Variants in CYFIP2 observed in about 807,000 individuals in gnomAD.
CYFIP2 encodes cytoplasmic FMR1-interacting protein 2.
In CYFIP2, 29 loss-of-function variants were observed where a neutral mutation model predicts 158.7. The observed-to-expected ratio is 0.18, with a 90% CI of 0.14 to 0.25. The LOEUF (loss-of-function observed/expected upper bound fraction) is 0.25, where lower values mean the gene tolerates loss of function less well. Ranked by LOEUF, CYFIP2 falls within the 10% of genes least tolerant of loss-of-function variation. The pLI is 1.00. For synonymous variants in CYFIP2, 585 were observed against 617.6 expected, an observed-to-expected ratio of 0.95 and a Z score of 0.78; for missense variants, 852 against 1,639.5, an observed-to-expected ratio of 0.52 and a Z score of 8.29.
At chr5:157,351,533 A>G (rs1047634675) in intron 23 of CYFIP2, among the ~76,000 whole-genome samples, 1 of 152,112 alleles carries the variant, frequency 6.6e-6, no homozygotes, top group Non-Finnish European at 1.5e-5. Flanking sequence ...CCACATGACA[A>G]CTCCTTGAGA....
intron 26 of CYFIP2, among the ~76,000 whole-genome samples, chr5:157,369,494 C>T (rs1240810703): frequency 1.3e-5 from 2 of 152,182 alleles, no homozygotes; most frequent in Admixed American, 6.5e-5. Flanking sequence ...ATTTCAGCTT[C>T]CTCCTGGTGT....
chr5:157,307,984 T>G lies in CYFIP2; in HGVS notation c.900+119T>G, dbSNP rs1759386820. The G allele has an allele frequency of 6.4e-6, 4 of 623,922 alleles. No homozygotes were observed. The East Asian group carries it at 8.6e-5, about 13-fold the overall frequency. The allele number at this position is 623,922 out of a possible 1,614,324, so 38.6% of individuals were successfully genotyped here. A position where few individuals can be genotyped will look rare whatever the true frequency, so the allele number is the denominator to read the frequency against. On this transcript the variant is annotated intron_variant, in intron 9 of 30. Coordinates refer to ENST00000620254, the MANE Select transcript of CYFIP2 (RefSeq NM_001037333.3). The stretch of plus-strand genomic sequence containing the variant: ...CAGGTTTTTTTAATTGAGCTGTAGC[T>G]CCAAAGATCCCAAGAGTAGGAAGAG...
At chr5:157,318,088 A>T (rs375533758) in intron 13 of CYFIP2, among the ~76,000 whole-genome samples, 1 of 152,210 alleles carries the variant, frequency 6.6e-6, no homozygotes, top group African/African-American at 2.4e-5. Flanking sequence ...CTATTATGGA[A>T]TTGTGAGAAT....
intron 28 of CYFIP2, 27 bp from the exon 29 acceptor site, chr5:157,389,162 A>G: frequency 6.3e-7 from 1 of 1,576,406 alleles, no homozygotes; most frequent in Non-Finnish European, 8.7e-7. Flanking sequence ...ATGTGGATAG[A>G]AGGTGTATGT....
intron 26 of CYFIP2, among the ~76,000 whole-genome samples, chr5:157,369,884 T>G (rs113500174): frequency 1.1e-3 from 28 of 25,416 alleles, no homozygotes; most frequent in Non-Finnish European, 1.2e-3. Flanking sequence ...ACCTAGTTTT[T>G]TTTTTTTTTT....
chr5:157,328,697 A>G (rs1389096955), intron 19 of CYFIP2, among the ~76,000 whole-genome samples: 1 of 152,236 alleles, frequency 6.6e-6, no homozygotes, highest in African/African-American at 2.4e-5. Flanking sequence ...ATGGTTTCAA[A>G]AGTACAACCG....
At chr5:157,326,348 A>T in intron 18 of CYFIP2, 81 bp downstream of exon 18, 1 of 1,168,340 alleles carries the variant, frequency 8.6e-7, no homozygotes, top group Non-Finnish European at 1.3e-6. Flanking sequence ...ATTAGCATGA[A>T]GTAGGAGTAT....
Position 157,319,905 on chromosome 5 carries a change from G to A in CYFIP2, c.1500G>A (p.Arg500=), listed in dbSNP as rs778488561. The change falls in exon 14 of 31, where the codon CGG becomes CGA. Residue 500 remains arginine (R), a synonymous_variant. Transcript: ENST00000620254. ...TLREPLRQAV[R]KKKNVLISVL... is the part of the protein sequence containing the mutation. ...GTGAGCCCCTGCGGCAGGCGGTACGGAAGAAGAAGAATGTCCTCATCAGGT... is the reference window on the plus strand; with the variant it reads ...GTGAGCCCCTGCGGCAGGCGGTACGAAAGAAGAAGAATGTCCTCATCAGGT... 1.2e-6 allele frequency: 2 copies of A among 1,613,848 alleles called. No homozygotes were observed. Among genetic ancestry groups the A allele is most frequent in the African/African-American group, 1.3e-5 (1 of 74,942 alleles).
At position 157,352,066 on chromosome 5, in the gene CYFIP2, T is replaced by G. The variant is rs191323863; in HGVS notation, c.2674-6939T>G. On this transcript the variant is annotated intron_variant, in intron 23 of 30. Coordinates refer to ENST00000620254, the MANE Select transcript of CYFIP2 (RefSeq NM_001037333.3). ...AAAATTAATATATGAATCAAAACTT[T>G]AAGAATATATTCTCTAAATAAAGTA... 4.4e-3 allele frequency among the ~76,000 whole-genome samples: 673 copies of G among 152,314 alleles called. 1 individual carries two copies. The highest frequency in any genetic ancestry group is 6.0e-3 in the Non-Finnish European group (408 of 68,028).
At chr5:157,391,332 C>T (rs553711830) in intron 30 of CYFIP2, among the ~76,000 whole-genome samples, 1 of 152,270 alleles carries the variant, frequency 6.6e-6, no homozygotes, top group Non-Finnish European at 1.5e-5. Flanking sequence ...TGGTAATTTT[C>T]AGTATATGAT....
At chr5:157,337,819 C>A (rs1581091652) in intron 21 of CYFIP2, among the ~76,000 whole-genome samples, 1 of 152,238 alleles carries the variant, frequency 6.6e-6, no homozygotes, top group East Asian at 1.9e-4. Flanking sequence ...CCATCTTTGC[C>A]TTTCAAAGGA....
At chr5:157,281,024 A>G (rs1453484694) in intron 1 of CYFIP2, among the ~76,000 whole-genome samples, 1 of 152,224 alleles carries the variant, frequency 6.6e-6, no homozygotes, top group African/African-American at 2.4e-5. Context: ...CAAAATCTAT[A>G]GACTTTCCTC....
chr5:157,345,905 G>A (rs1220761304), intron 23 of CYFIP2, among the ~76,000 whole-genome samples: 1 of 152,162 alleles, frequency 6.6e-6, no homozygotes, highest in Non-Finnish European at 1.5e-5. Flanking sequence ...CCAGTTGGCT[G>A]ATTATTATTT....
At position 157,360,370 on chromosome 5, in the gene CYFIP2, C is replaced by A; in HGVS notation, c.2906C>A (p.Pro969Gln). Residue 969 changes from proline (P) to glutamine (Q), a missense_variant and splice_region_variant, in exon 25 of 31, where the codon CCA becomes CAA. Coordinates refer to ENST00000620254, the MANE Select transcript of CYFIP2 (RefSeq NM_001037333.3). ...TTGCCCCGACATGAGTATGGCTCCC[C>A]AGGTTGGTGATAGCAAAACAATCCA... ...CRLPRHEYGS[P>Q]GILEFFHHQL... 6.2e-7 allele frequency: 1 copy of A among 1,613,116 alleles called. No homozygotes were observed. Among genetic ancestry groups the A allele is most frequent in the Non-Finnish European group, 8.5e-7 (1 of 1,179,386 alleles).
At chr5:157,368,360 C>G (rs546526076) in intron 26 of CYFIP2, among the ~76,000 whole-genome samples, 1 of 152,304 alleles carries the variant, frequency 6.6e-6, no homozygotes, top group African/African-American at 2.4e-5. Flanking sequence ...AGCCCCATCT[C>G]AGCCACCCCT....
At chr5:157,308,820 A>G (rs181978621) in intron 9 of CYFIP2, among the ~76,000 whole-genome samples, 2 of 152,222 alleles carry the variant, frequency 1.3e-5, no homozygotes, top group Admixed American at 6.5e-5. Context: ...CTAAGTCAGC[A>G]TGAATGAGAT....
intron 16 of CYFIP2, 109 bp downstream of exon 16, chr5:157,324,183 A>C: frequency 7.7e-7 from 1 of 1,294,550 alleles, no homozygotes; most frequent in Non-Finnish European, 1.0e-6. Flanking sequence ...CGTTGACCCT[A>C]AGGGGCACAT....
intron 3 of CYFIP2, 65 bp from the exon 4 acceptor site, chr5:157,294,718 G>C (rs528645133): frequency 3.6e-6 from 5 of 1,378,204 alleles, no homozygotes; most frequent in Admixed American, 1.7e-5. Flanking sequence ...TGAGGATCTG[G>C]GGGCTTTTGC....
chr5:157,333,563 TC>T, intron 21 of CYFIP2, 117 bp downstream of exon 21: 1 of 1,420,060 alleles, frequency 7.0e-7, no homozygotes, highest in Non-Finnish European at 9.7e-7. Context: ...TGAGTCTCTT[TC>T]CCATCTGAAT....
Sources: allele counts gnomAD v4.1 joint callset (sites outside exome capture counted in the v4.1 genomes callset), GRCh38; gene constraint gnomAD v4.1.1; transcripts MANE v1.5; gene names NCBI Gene and HGNC (gene_info 2026-07-23, HGNC 2026-07-21).